The following GRIK4 variants were observed in gnomAD, a reference collection of about 807,000 sequenced individuals.
GRIK4 encodes the protein glutamate receptor ionotropic, kainate 4.
Under a neutral mutation model 104.9 loss-of-function variants are expected in GRIK4, and 40 were observed. That is an observed-to-expected ratio of 0.38 (90% CI 0.30 to 0.50). The LOEUF (loss-of-function observed/expected upper bound fraction) is 0.50. GRIK4 is among the 20% of genes least tolerant of loss of function. GRIK4 has a pLI of 0.93. For missense variants in GRIK4, 1,047 were observed against 1,308.1 expected (o/e 0.80, Z 3.08); for synonymous variants, 485 against 524.9 (o/e 0.92, Z 1.04).
Position 120,924,366 on chromosome 11 carries a change from C to T in GRIK4, c.1477-15981C>T, listed in dbSNP as rs1943293858. On this transcript the variant is annotated intron_variant, in intron 13 of 20. Coordinates refer to ENST00000527524, the MANE Select transcript of GRIK4 (RefSeq NM_014619.5). ...GCTCCTCACCACAGAGTCAGCAGAGCGTTTAGTGGCAGGCTCAACAGTGGC... is the reference window on the plus strand; with the variant it reads ...GCTCCTCACCACAGAGTCAGCAGAGTGTTTAGTGGCAGGCTCAACAGTGGC... 2.6e-5 allele frequency among the ~76,000 whole-genome samples: 4 copies of T among 151,994 alleles called. 1 individual carries two copies. The highest frequency in any genetic ancestry group is 4.1e-4 in the South Asian group (2 of 4,824).
intron 13 of GRIK4, among the ~76,000 whole-genome samples, chr11:120,924,916 C>T (rs1462371122): frequency 6.6e-6 from 1 of 152,224 alleles, no homozygotes; most frequent in Non-Finnish European, 1.5e-5. Context: ...AGAAAATGCC[C>T]TGCTGCCCTT....
chr11:120,672,877 A>G (rs1950043464), intron 3 of GRIK4, among the ~76,000 whole-genome samples: 2 of 152,192 alleles, frequency 1.3e-5, no homozygotes, highest in African/African-American at 2.4e-5. Flanking sequence ...GCAAACAGAG[A>G]TAATTTGATT....
At chr11:120,676,212 C>T (rs143071385) in intron 3 of GRIK4, among the ~76,000 whole-genome samples, 1 of 152,158 alleles carries the variant, frequency 6.6e-6, no homozygotes, top group Non-Finnish European at 1.5e-5. Context: ...TCTCGCCTCA[C>T]AAGCTCACTG....
chr11:120,929,563 A>C (rs776575261), intron 13 of GRIK4, among the ~76,000 whole-genome samples: 48 of 152,222 alleles, frequency 3.2e-4, no homozygotes, highest in Non-Finnish European at 5.9e-4. Context: ...GCTCAAATGC[A>C]CAGCACAAAA....
At chr11:120,606,153 G>T (rs113869438) in intron 1 of GRIK4, among the ~76,000 whole-genome samples, 1 of 152,092 alleles carries the variant, frequency 6.6e-6, no homozygotes, top group Non-Finnish European at 1.5e-5. Flanking sequence ...ATTGAATATC[G>T]CATTTTGATA....
intron 1 of GRIK4, among the ~76,000 whole-genome samples, chr11:120,639,119 A>G (rs1160000098): frequency 6.6e-6 from 1 of 152,054 alleles, no homozygotes; most frequent in Non-Finnish European, 1.5e-5. Flanking sequence ...TGCCTGAACC[A>G]TGAAGCGGAG....
intron 3 of GRIK4, among the ~76,000 whole-genome samples, chr11:120,754,901 T>C (rs1445117589): frequency 6.6e-6 from 1 of 152,182 alleles, no homozygotes; most frequent in Non-Finnish European, 1.5e-5. Flanking sequence ...GTTGTAAGAG[T>C]TCTTTCTATA....
At chr11:120,981,526 A>G (rs921962853) in intron 19 of GRIK4, among the ~76,000 whole-genome samples, 1 of 152,232 alleles carries the variant, frequency 6.6e-6, no homozygotes, top group Admixed American at 6.5e-5. Context: ...CAATATTTTT[A>G]GTCAGCTTTC....
intron 1 of GRIK4, among the ~76,000 whole-genome samples, chr11:120,628,810 A>T (rs1290038941): frequency 6.6e-6 from 1 of 152,164 alleles, no homozygotes; most frequent in Non-Finnish European, 1.5e-5. Flanking sequence ...GTTTTTTCTT[A>T]TACCGTGAAA....
At chr11:120,862,274 T>C in intron 9 of GRIK4, 154 bp downstream of exon 9, 1 of 676,246 alleles carries the variant, frequency 1.5e-6, no homozygotes, top group Non-Finnish European at 2.5e-6. Context: ...TGGGAAGTGG[T>C]TGCAGGGTAT....
Position 120,967,915 on chromosome 11 carries a change from C to A in GRIK4, c.2395+592C>A, listed in dbSNP as rs1944411838. Among the ~76,000 whole-genome samples, 1 of 152,118 alleles carries A rather than the reference C, an allele frequency of 6.6e-6. No individual in the cohort carries two copies. Among genetic ancestry groups the A allele is most frequent in the South Asian group, 2.1e-4 (1 of 4,808 alleles). On this transcript the variant is annotated intron_variant, in intron 19 of 20. Coordinates refer to ENST00000527524, the MANE Select transcript of GRIK4 (RefSeq NM_014619.5). The surrounding 1 kb of genome is among the most constrained non-coding windows in gnomAD (Gnocchi z 4.2). ...CCTCCTGGCCTTCCCTCGAAGAGCT[C>A]TTCACTCCCACCCTACACATTTCTC...
At chr11:120,726,805 CAT>C (rs531111539) in intron 3 of GRIK4, among the ~76,000 whole-genome samples, 3 of 151,498 alleles carry the variant, frequency 2.0e-5, no homozygotes, top group Non-Finnish European at 4.4e-5. Context: ...CCTCTGGTAA[CAT>C]AGCAGCAGTG....
chr11:120,538,916 C>T (rs1948004910), intron 1 of GRIK4, among the ~76,000 whole-genome samples: 1 of 152,186 alleles, frequency 6.6e-6, no homozygotes, highest in Admixed American at 6.5e-5. Context: ...CCTTGCTGAG[C>T]CAGGGACCAG....
At chr11:120,873,939 G>T in intron 9 of GRIK4, 127 bp from the exon 10 acceptor site, 1 of 811,882 alleles carries the variant, frequency 1.2e-6, no homozygotes, top group Non-Finnish European at 1.9e-6. Context: ...TGATGAAGAT[G>T]CACTCTTATT....
At chr11:120,861,379 AT>A in intron 8 of GRIK4, among the ~76,000 whole-genome samples, 1 of 152,098 alleles carries the variant, frequency 6.6e-6, no homozygotes, top group South Asian at 2.1e-4. Flanking sequence ...AAGTGCTGGG[AT>A]TATGAGCGTG....
intron 1 of GRIK4, among the ~76,000 whole-genome samples, chr11:120,533,049 G>A (rs368369143): frequency 3.9e-5 from 6 of 152,202 alleles, no homozygotes; most frequent in East Asian, 1.9e-4. Context: ...GGAGGCCAAT[G>A]TAGGGGGGCG....
intron 3 of GRIK4, among the ~76,000 whole-genome samples, chr11:120,751,837 G>A (rs911692353): frequency 3.5e-4 from 54 of 152,258 alleles, no homozygotes; most frequent in African/African-American, 1.2e-3. Context: ...TGAGTGGGAG[G>A]ATGATCCTGG....
intron 3 of GRIK4, among the ~76,000 whole-genome samples, chr11:120,714,895 G>A (rs973812964): frequency 1.1e-4 from 17 of 152,182 alleles, no homozygotes; most frequent in African/African-American, 4.1e-4. Flanking sequence ...TAGTATAAGG[G>A]AAAGCTACTG....
chr11:120,962,363 C>T (rs1051519586), intron 17 of GRIK4, 93 bp from the exon 18 acceptor site: 17 of 771,396 alleles, frequency 2.2e-5, no homozygotes, highest in African/African-American at 1.0e-4. Context: ...GCAGAAGGGC[C>T]GGCATCTTAA....
Sources: gnomAD v4.1 joint callset for allele counts (sites outside exome capture counted in the v4.1 genomes callset) on GRCh38, gnomAD v4.1.1 for gene constraint, Gnocchi (gnomAD v3.1) non-coding constraint, MANE v1.5 for transcripts, NCBI Gene and HGNC (gene_info 2026-07-23, HGNC 2026-07-21) for gene names.